SIK2: variants seen among roughly 807,000 people sequenced by gnomAD.
SIK2 encodes serine/threonine-protein kinase SIK2.
Under a neutral mutation model 103.2 loss-of-function variants are expected in SIK2, and 29 were observed. That is an observed-to-expected ratio of 0.28 (90% CI 0.21 to 0.38). The LOEUF is 0.38. Ranked by LOEUF, SIK2 falls within the 10% of genes least tolerant of loss-of-function variation. SIK2 has a pLI of 1.00. For synonymous variants in SIK2, 412 were observed against 446.1 expected (o/e 0.92, Z 0.96); for missense variants, 879 against 1,171.0 (o/e 0.75, Z 3.64).
chr11:111,664,697 C>G lies in SIK2; in HGVS notation c.317-23304C>G, dbSNP rs1210060433. On this transcript the variant is annotated intron_variant, in intron 3 of 14. Coordinates refer to ENST00000304987, the MANE Select transcript of SIK2 (RefSeq NM_015191.3). ...TTCTATTCCCCCCATCACCACCCCC[C>G]CCACACACACACCTCTACACCCCTC... 7.3e-5 allele frequency among the ~76,000 whole-genome samples: 10 copies of G among 137,736 alleles called. No individual in the cohort carries two copies. In the South Asian group the frequency reaches 2.1e-3, roughly 30 times the overall value. 90.4% of individuals were successfully genotyped at this position (137,736 alleles called of 152,430 possible).
At chr11:111,659,996 G>A (rs556624503) in intron 3 of SIK2, among the ~76,000 whole-genome samples, 3 of 152,258 alleles carry the variant, frequency 2.0e-5, no homozygotes, top group Non-Finnish European at 2.9e-5. Flanking sequence ...TCAGAAAACC[G>A]AATGGCCATT....
At chr11:111,676,299 A>G (rs1454511019) in intron 3 of SIK2, among the ~76,000 whole-genome samples, 1 of 152,214 alleles carries the variant, frequency 6.6e-6, no homozygotes, top group Non-Finnish European at 1.5e-5. Context: ...GCTGGGCTGA[A>G]CAGCAATTCT....
intron 3 of SIK2, among the ~76,000 whole-genome samples, chr11:111,681,104 G>A (rs2135887964): frequency 6.6e-6 from 1 of 152,298 alleles, no homozygotes; most frequent in South Asian, 2.1e-4. Context: ...GGTAGCTGTT[G>A]AAATGTCAAA....
intron 4 of SIK2, among the ~76,000 whole-genome samples, chr11:111,691,918 C>CA (rs1190284055): frequency 6.6e-6 from 1 of 152,084 alleles, no homozygotes; most frequent in Non-Finnish European, 1.5e-5. Context: ...TAATATAACA[C>CA]AAAAAGATCA....
chr11:111,692,340 G>A (rs990119928), intron 4 of SIK2, among the ~76,000 whole-genome samples: 1 of 87,358 alleles, frequency 1.1e-5, no homozygotes, highest in African/African-American at 4.7e-5. Flanking sequence ...AACAGAGCGA[G>A]ACTCAGTCTC....
chr11:111,724,139 A>C lies in SIK2; in HGVS notation c.*10A>C. 1 of 1,600,874 alleles carries C rather than the reference A, an allele frequency of 6.2e-7. No individual in the cohort carries two copies. Among genetic ancestry groups the C allele is most frequent in the Non-Finnish European group, 8.5e-7 (1 of 1,174,288 alleles). On this transcript the variant is annotated 3_prime_UTR_variant, in exon 15 of 15. Transcript: ENST00000304987. ...TGTCCTGGTGAATTAGTCTCAGCAC[A>C]GGAATTGAGGTGGGTCAGGTGAAGG...
At chr11:111,625,072 G>T (rs1941944264) in intron 3 of SIK2, among the ~76,000 whole-genome samples, 1 of 152,182 alleles carries the variant, frequency 6.6e-6, no homozygotes, top group African/African-American at 2.4e-5. Context: ...CAGTAGAAGA[G>T]GAGGTCAGAG....
intron 3 of SIK2, among the ~76,000 whole-genome samples, chr11:111,648,178 T>C (rs1942282248): frequency 6.6e-6 from 1 of 152,190 alleles, no homozygotes; most frequent in Non-Finnish European, 1.5e-5. Context: ...ATACTATGCA[T>C]GGTATGATTT....
intron 3 of SIK2, among the ~76,000 whole-genome samples, chr11:111,649,523 G>C (rs1249240159): frequency 1.3e-5 from 2 of 151,882 alleles, no homozygotes; most frequent in South Asian, 2.1e-4. Flanking sequence ...TAGGTACCAG[G>C]AGACTTGTGT....
At chr11:111,615,759 T>C (rs1941797780) in intron 1 of SIK2, among the ~76,000 whole-genome samples, 1 of 152,232 alleles carries the variant, frequency 6.6e-6, no homozygotes, top group Admixed American at 6.5e-5. Context: ...TAATGAGTTT[T>C]AATATTTTAT....
intron 2 of SIK2, among the ~76,000 whole-genome samples, chr11:111,618,402 G>T (rs1277116186): frequency 1.3e-5 from 2 of 152,166 alleles, no homozygotes; most frequent in Non-Finnish European, 2.9e-5. Flanking sequence ...TGTAAAAAAT[G>T]TGAAGACCAT....
intron 3 of SIK2, among the ~76,000 whole-genome samples, chr11:111,622,253 T>C (rs1356070576): frequency 1.4e-4 from 18 of 124,162 alleles, no homozygotes; most frequent in African/African-American, 5.1e-4. Context: ...TTTTCTTTTT[T>C]TTTTTTTTTT....
chr11:111,663,278 G>T (rs1942491833), intron 3 of SIK2, among the ~76,000 whole-genome samples: 2 of 152,076 alleles, frequency 1.3e-5, no homozygotes, highest in African/African-American at 4.8e-5. Flanking sequence ...CTCTGAGGTG[G>T]TGGTTAGAGG....
intron 4 of SIK2, among the ~76,000 whole-genome samples, chr11:111,696,632 G>A (rs1943076889): frequency 6.6e-6 from 1 of 152,204 alleles, no homozygotes; most frequent in African/African-American, 2.4e-5. Context: ...CTGGATCTGA[G>A]TCTGGTAGAG....
rs1263411032 is a variant in SIK2 at position 111,629,572 on chromosome 11, G to T, written c.316+9170G>T. 2.6e-5 allele frequency among the ~76,000 whole-genome samples: 4 copies of T among 152,236 alleles called. No individual in the cohort carries two copies. In the East Asian group the frequency reaches 7.7e-4, roughly 29 times the overall value. On this transcript the variant is annotated intron_variant, in intron 3 of 14. Transcript: ENST00000304987. Reference sequence around the variant, plus strand: ...ATATCAGGACAGTTAGTTTGCTACGGACAATTGATAGTTGAAAATATGGGA... The same window carrying T: ...ATATCAGGACAGTTAGTTTGCTACGTACAATTGATAGTTGAAAATATGGGA...
At chr11:111,683,244 G>C (rs1036091548) in intron 3 of SIK2, 1 of 152,912 alleles carries the variant, frequency 6.5e-6, no homozygotes, top group African/African-American at 2.4e-5. Flanking sequence ...AAAACTGCAT[G>C]CTCGTTCGAA....
chr11:111,658,250 C>T (rs1293534814), intron 3 of SIK2, among the ~76,000 whole-genome samples: 2 of 151,862 alleles, frequency 1.3e-5, no homozygotes, highest in African/African-American at 2.4e-5. Flanking sequence ...CTCAGCCTCC[C>T]TAGTACTAGG....
chr11:111,677,076 A>T (rs1402386575), intron 3 of SIK2, among the ~76,000 whole-genome samples: 1 of 152,210 alleles, frequency 6.6e-6, no homozygotes, highest in Non-Finnish European at 1.5e-5. Flanking sequence ...GATGATAAAA[A>T]TAGGTGGGAT....
chr11:111,620,448 A>C (rs199777957), intron 3 of SIK2, 46 bp downstream of exon 3: 15 of 1,163,820 alleles, frequency 1.3e-5, no homozygotes, highest in Non-Finnish European at 1.6e-5. Context: ...AAAATTCACT[A>C]ATCTGCATGA....
Sources: allele counts gnomAD v4.1 joint callset (sites outside exome capture counted in the v4.1 genomes callset), GRCh38; gene constraint gnomAD v4.1.1; transcripts MANE v1.5; gene names NCBI Gene and HGNC (gene_info 2026-07-23, HGNC 2026-07-21).